Variants in ROR1 observed in about 807,000 individuals in gnomAD.
ROR1 encodes ROR family WNT receptor 1, also known as inactive tyrosine-protein kinase transmembrane receptor ROR1.
A neutral mutation model predicts 78.8 loss-of-function variants in ROR1; 19 were observed. The observed-to-expected ratio is 0.24, with a 90% CI of 0.17 to 0.35. The LOEUF is 0.35. ROR1 is among the 10% of genes least tolerant of loss of function. The pLI, the probability that ROR1 is intolerant of heterozygous loss-of-function variation, is 1.00. For synonymous variants in ROR1, 386 were observed against 433.6 expected (o/e 0.89, Z 1.36); for missense variants, 917 against 1,177.8 (o/e 0.78, Z 3.24).
chr1:63,895,078 T>G (rs2100394472), intron 1 of ROR1, among the ~76,000 whole-genome samples: 1 of 152,302 alleles, frequency 6.6e-6, no homozygotes, highest in Non-Finnish European at 1.5e-5. Context: ...ATGCTTGTGT[T>G]TTATGTAAGT....
At chr1:64,112,788 A>G (rs1044905712) in intron 4 of ROR1, among the ~76,000 whole-genome samples, 2 of 147,994 alleles carry the variant, frequency 1.4e-5, no homozygotes, top group African/African-American at 5.1e-5. Flanking sequence ...ATCAATTCTT[A>G]TAGGTTCAAC....
intron 1 of ROR1, among the ~76,000 whole-genome samples, chr1:64,004,546 G>A (rs1557604538): frequency 1.3e-5 from 2 of 152,240 alleles, no homozygotes; most frequent in Admixed American, 6.5e-5. Context: ...TTCAGCCTTT[G>A]CAGCTACTGG....
In ROR1 at chr1:63,997,059, A is replaced by G. The variant is rs569146315; in HGVS notation, c.92-12246A>G. On this transcript the variant is annotated intron_variant, in intron 1 of 8. Coordinates refer to ENST00000371079, the MANE Select transcript of ROR1 (RefSeq NM_005012.4). ...AATACAAGGTACTTGTATTACTGTA[A>G]GGTGCTTGGAATCTTAATAGCTTTC... is the stretch of plus-strand genomic sequence containing the variant. Among the ~76,000 whole-genome samples the G allele has an allele frequency of 1.1e-4, 8 of 76,112 alleles. No homozygotes were observed. The South Asian group carries it at 4.9e-3, about 47-fold the overall frequency. The allele number at this position is 76,112 out of a possible 152,430, so 49.9% of individuals were successfully genotyped here.
intron 1 of ROR1, among the ~76,000 whole-genome samples, chr1:63,888,477 A>G (rs1645372352): frequency 6.6e-6 from 1 of 152,068 alleles, no homozygotes; most frequent in Non-Finnish European, 1.5e-5. Context: ...TTTAAAAATT[A>G]GCTGGGCATG....
At chr1:63,871,114 G>T (rs11582651) in intron 1 of ROR1, among the ~76,000 whole-genome samples, 68,503 of 152,070 alleles carry the variant, frequency 0.45, 17,780 homozygotes, top group African/African-American at 0.72. Flanking sequence ...GAAATGTTAT[G>T]GTTGTTATTT....
chr1:64,082,976 A>G (rs1647116410), intron 4 of ROR1, among the ~76,000 whole-genome samples: 1 of 152,360 alleles, frequency 6.6e-6, no homozygotes, highest in South Asian at 2.1e-4. Context: ...TGATGGTTAC[A>G]TATCCAAAAG....
intron 4 of ROR1, among the ~76,000 whole-genome samples, chr1:64,084,513 GT>G (rs2100636034): frequency 6.6e-6 from 1 of 152,310 alleles, no homozygotes; most frequent in Admixed American, 6.5e-5. Flanking sequence ...CAACTCTACA[GT>G]TAGAGCAGAT....
chr1:64,026,473 C>T (rs905875998), intron 2 of ROR1, among the ~76,000 whole-genome samples: 2 of 152,156 alleles, frequency 1.3e-5, no homozygotes, highest in African/African-American at 4.8e-5. Flanking sequence ...TTCTATGCTT[C>T]TAAACTGTGT....
intron 1 of ROR1, among the ~76,000 whole-genome samples, chr1:63,912,501 T>C (rs1645579231): frequency 6.6e-6 from 1 of 152,102 alleles, no homozygotes; most frequent in African/African-American, 2.4e-5. Flanking sequence ...GGTCGGATCT[T>C]GGATGAGTTA....
chr1:64,071,582 G>GAC (rs546971973), intron 4 of ROR1, among the ~76,000 whole-genome samples: 46 of 106,472 alleles, frequency 4.3e-4, no homozygotes, highest in African/African-American at 8.7e-4. Flanking sequence ...CACCCACACA[G>GAC]ACACACACAC....
intron 1 of ROR1, among the ~76,000 whole-genome samples, chr1:63,796,006 T>C (rs1477952983): frequency 6.6e-6 from 1 of 152,168 alleles, no homozygotes; most frequent in African/African-American, 2.4e-5. Flanking sequence ...TGTCGACACA[T>C]AGTATTTTGA....
At chr1:63,796,268 C>G (rs1301335808) in intron 1 of ROR1, among the ~76,000 whole-genome samples, 1 of 152,094 alleles carries the variant, frequency 6.6e-6, no homozygotes, top group Non-Finnish European at 1.5e-5. Context: ...AGCTGTGTGG[C>G]CCCACACAAA....
intron 1 of ROR1, among the ~76,000 whole-genome samples, chr1:63,926,183 A>G (rs1174142718): frequency 2.7e-5 from 4 of 150,660 alleles, no homozygotes; most frequent in South Asian, 2.1e-4. Context: ...TCTTGAATTG[A>G]TTTTTGTATA....
chr1:64,003,318 C>T (rs1387314917), intron 1 of ROR1, among the ~76,000 whole-genome samples: 1 of 151,972 alleles, frequency 6.6e-6, no homozygotes, highest in Non-Finnish European at 1.5e-5. Context: ...AAGAATTATG[C>T]TGATTACAAT....
At chr1:64,177,393 T>G (rs776279520) in intron 8 of ROR1, 35 bp from the exon 9 acceptor site, 2 of 1,521,352 alleles carry the variant, frequency 1.3e-6, no homozygotes, top group South Asian at 2.5e-5. Flanking sequence ...CCTGAAGATA[T>G]GTTTTAAACC....
chr1:63,977,076 A>G (rs890183551), intron 1 of ROR1, among the ~76,000 whole-genome samples: 5 of 152,088 alleles, frequency 3.3e-5, no homozygotes, highest in Non-Finnish European at 7.4e-5. Context: ...AAGTGGGGGG[A>G]AAGCCCCTTA....
intron 1 of ROR1, among the ~76,000 whole-genome samples, chr1:63,846,118 ATGTGTGTGTGTG>A (rs71056009): frequency 0.056 from 7,571 of 136,352 alleles, 616 homozygotes; most frequent in African/African-American, 0.18. Flanking sequence ...GAGAGAGAGA[ATGTGTGTGTGTG>A]TGTGTGTGTG....
chr1:63,796,122 T>G (rs1014515718), intron 1 of ROR1, among the ~76,000 whole-genome samples: 1 of 152,070 alleles, frequency 6.6e-6, no homozygotes, highest in Non-Finnish European at 1.5e-5. Context: ...TTGTCTTATA[T>G]GGGAAAGGAC....
intron 4 of ROR1, among the ~76,000 whole-genome samples, chr1:64,127,583 TCC>T (rs945179283): frequency 6.6e-5 from 10 of 152,088 alleles, no homozygotes; most frequent in African/African-American, 2.4e-4. Context: ...TTTCTCTGTC[TCC>T]TCTCTCTTGG....
Sources: gnomAD v4.1 joint callset for allele counts (sites outside exome capture counted in the v4.1 genomes callset) on GRCh38, gnomAD v4.1.1 for gene constraint, MANE v1.5 for transcripts, NCBI Gene and HGNC (gene_info 2026-07-23, HGNC 2026-07-21) for gene names.